UBE2E1: variants seen among roughly 807,000 people sequenced by gnomAD.
UBE2E1 encodes the protein ubiquitin-conjugating enzyme E2 E1.
Under a neutral mutation model 21.4 loss-of-function variants are expected in UBE2E1, and 6 were observed. The ratio of observed to expected loss-of-function variants is 0.28; its 90% CI spans 0.15 to 0.55. The LOEUF is 0.55. Ranked by LOEUF, UBE2E1 falls within the 20% of genes least tolerant of loss-of-function variation. UBE2E1 has a pLI of 0.93. For synonymous variants in UBE2E1, 87 were observed against 82.7 expected (o/e 1.05, Z -0.28); for missense variants, 142 against 236.5 (o/e 0.60, Z 2.62).
In UBE2E1 at chr3:23,853,760, G is replaced by C. The variant is rs966220540; in HGVS notation, c.204-33807G>C. ...AGGTTTTGCATTTGGTAGTCTGCCA[G>C]TGCTCAAAAATTCCTGGTGGTGGTT... On this transcript the variant is annotated intron_variant, in intron 3 of 5. Transcript: ENST00000306627. This position sits in a 1 kb window ranked among gnomAD's most constrained non-coding sequence, Gnocchi z 4.1. 6.6e-6 allele frequency among the ~76,000 whole-genome samples: 1 copy of C among 152,154 alleles called. No homozygotes were observed. Among genetic ancestry groups the C allele is most frequent in the African/African-American group, 2.4e-5 (1 of 41,436 alleles).
chr3:23,838,264 G>A (rs568612432), intron 3 of UBE2E1, among the ~76,000 whole-genome samples: 1 of 151,726 alleles, frequency 6.6e-6, no homozygotes, highest in South Asian at 2.1e-4. Context: ...AAAATGTTTC[G>A]CCATGTTGCC....
chr3:23,880,696 T>C (rs568830869), intron 3 of UBE2E1, among the ~76,000 whole-genome samples: 4 of 152,330 alleles, frequency 2.6e-5, no homozygotes, highest in Admixed American at 2.6e-4. Context: ...CTGTAATAAG[T>C]CTGTACTGAG....
intron 3 of UBE2E1, among the ~76,000 whole-genome samples, chr3:23,843,446 A>G (rs1209863899): frequency 6.6e-6 from 1 of 152,230 alleles, no homozygotes; most frequent in African/African-American, 2.4e-5. Flanking sequence ...TGCTTGCTGC[A>G]TAAATGTCTT....
Position 23,807,260 on chromosome 3 carries a change from G to A in UBE2E1, c.-10G>A. The A allele has an allele frequency of 6.2e-7, 1 of 1,610,318 alleles. No homozygotes were observed. Among genetic ancestry groups the A allele is most frequent in the Non-Finnish European group, 8.5e-7 (1 of 1,178,594 alleles). On this transcript the variant is annotated 5_prime_UTR_variant, in exon 2 of 6. Transcript: ENST00000306627. The stretch of plus-strand genomic sequence containing the variant: ...AGGGGCTGTTTGCGGGGTGGGGTGG[G>A]GGGTTCGCTATGTCGGATGACGATT...
At chr3:23,889,854 C>A in intron 5 of UBE2E1, 1 of 678,250 alleles carries the variant, frequency 1.5e-6, no homozygotes, top group Non-Finnish European at 1.8e-6. Flanking sequence ...CATGTCACTG[C>A]ACTGCATTCC....
Position 23,810,632 on chromosome 3 carries a change from G to C in UBE2E1, c.153-828G>C, listed in dbSNP as rs1411136701. 6 of 1,137,208 alleles carry C rather than the reference G, an allele frequency of 5.3e-6. No individual in the cohort carries two copies. In the African/African-American group the frequency reaches 6.5e-5, roughly 12 times the overall value. 70.4% of individuals were successfully genotyped at this position (1,137,208 alleles called of 1,614,324 possible). ...CGGCCACTTGGGGTCTGTGGTGCCCGAGTGGCGGGCGGGGGTGTTCGCGCC... is the reference window on the plus strand; with the variant it reads ...CGGCCACTTGGGGTCTGTGGTGCCCCAGTGGCGGGCGGGGGTGTTCGCGCC... On this transcript the variant is annotated intron_variant, in intron 2 of 5. Transcript: ENST00000306627. This position sits in a 1 kb window ranked among gnomAD's most constrained non-coding sequence, Gnocchi z 5.8.
chr3:23,883,952 C>CT (rs1559495228), intron 3 of UBE2E1, among the ~76,000 whole-genome samples: 1 of 150,788 alleles, frequency 6.6e-6, no homozygotes, highest in African/African-American at 2.4e-5. Flanking sequence ...AATGCTTGGT[C>CT]TTTTCCAGTG....
chr3:23,839,252 A>T (rs1259121091), intron 3 of UBE2E1, among the ~76,000 whole-genome samples: 1 of 152,022 alleles, frequency 6.6e-6, no homozygotes, highest in African/African-American at 2.4e-5. Context: ...TCACGAGGTC[A>T]GGAGATCGAG....
intron 3 of UBE2E1, among the ~76,000 whole-genome samples, chr3:23,868,873 A>C (rs771474682): frequency 1.3e-5 from 2 of 152,076 alleles, no homozygotes; most frequent in African/African-American, 4.8e-5. Context: ...GTTTCTTTCA[A>C]TCCTTCTGGA....
intron 3 of UBE2E1, among the ~76,000 whole-genome samples, chr3:23,882,932 GCAAA>G (rs977513776): frequency 2.0e-5 from 3 of 152,184 alleles, no homozygotes; most frequent in East Asian, 1.9e-4. Context: ...ACACCTCCCT[GCAAA>G]CAGAGGGAGC....
At chr3:23,881,299 G>C (rs995225797) in intron 3 of UBE2E1, among the ~76,000 whole-genome samples, 4 of 151,906 alleles carry the variant, frequency 2.6e-5, no homozygotes, top group Non-Finnish European at 5.9e-5. Context: ...ATTTTGATTA[G>C]AAGAAAAAAC....
intron 3 of UBE2E1, among the ~76,000 whole-genome samples, chr3:23,846,698 C>CAAA (rs10662469): frequency 0.17 from 15,594 of 89,314 alleles, 1,832 homozygotes; most frequent in South Asian, 0.19. Context: ...TCCATCTCAT[C>CAAA]AAAAAAAAAA....
intron 3 of UBE2E1, among the ~76,000 whole-genome samples, chr3:23,851,227 T>C (rs1297126691): frequency 1.3e-5 from 2 of 152,194 alleles, no homozygotes; most frequent in African/African-American, 2.4e-5. Context: ...ATTTCTGGGC[T>C]CTTAATTAGG....
At chr3:23,809,602 T>G (rs1453077009) in intron 2 of UBE2E1, among the ~76,000 whole-genome samples, 6 of 152,346 alleles carry the variant, frequency 3.9e-5, no homozygotes, top group Non-Finnish European at 7.3e-5. Context: ...TCTGTCAAGA[T>G]GAAGTTGATA....
rs1700370373 is a variant in UBE2E1, at chr3:23,853,525, A to G, written c.204-34042A>G. 6.6e-6 allele frequency among the ~76,000 whole-genome samples: 1 copy of G among 152,086 alleles called. No individual in the cohort carries two copies. Among genetic ancestry groups the G allele is most frequent in the Non-Finnish European group, 1.5e-5 (1 of 68,014 alleles). On this transcript the variant is annotated intron_variant, in intron 3 of 5. Transcript: ENST00000306627. This position sits in a 1 kb window ranked among gnomAD's most constrained non-coding sequence, Gnocchi z 4.1. ...AAATCTGCCTACCCAAAGATTACAAAGATTTTTCTTCTGTTGTTTTTTTTT... is the reference window on the plus strand; with the variant it reads ...AAATCTGCCTACCCAAAGATTACAAGGATTTTTCTTCTGTTGTTTTTTTTT...
chr3:23,855,962 A>T (rs1444233822), intron 3 of UBE2E1, among the ~76,000 whole-genome samples: 1 of 152,224 alleles, frequency 6.6e-6, no homozygotes, highest in East Asian at 1.9e-4. Flanking sequence ...TGTTTTCCAG[A>T]TGAGGAAACT....
chr3:23,832,245 T>C (rs1699883227), intron 3 of UBE2E1, among the ~76,000 whole-genome samples: 2 of 152,336 alleles, frequency 1.3e-5, no homozygotes, highest in South Asian at 4.1e-4. Context: ...GTCCAGGGAA[T>C]GGCTTGGACA....
intron 3 of UBE2E1, among the ~76,000 whole-genome samples, chr3:23,869,351 C>CT (rs58059005): frequency 0.014 from 1,586 of 114,170 alleles, 37 homozygotes; most frequent in African/African-American, 0.05. Context: ...TTATGGTATC[C>CT]TTTTTTTTTT....
At chr3:23,843,735 A>AT (rs11382353) in intron 3 of UBE2E1, among the ~76,000 whole-genome samples, 114,248 of 151,914 alleles carry the variant, frequency 0.75, 43,425 homozygotes, top group African/African-American at 0.8. Context: ...AGTTTGGACA[A>AT]TGACAATCCA....
Sources: gnomAD v4.1 joint callset for allele counts (sites outside exome capture counted in the v4.1 genomes callset) on GRCh38, gnomAD v4.1.1 for gene constraint, Gnocchi (gnomAD v3.1) non-coding constraint, MANE v1.5 for transcripts, NCBI Gene and HGNC (gene_info 2026-07-23, HGNC 2026-07-21) for gene names.